WDR27: variants seen among roughly 807,000 people sequenced by gnomAD.
WDR27 encodes the protein WD repeat-containing protein 27.
A neutral mutation model predicts 114.4 loss-of-function variants in WDR27; 100 were observed. That is an observed-to-expected ratio of 0.87 (90% confidence interval 0.74 to 1.03). The LOEUF (loss-of-function observed/expected upper bound fraction) is 1.03. WDR27 is among the 50% of genes least tolerant of loss of function. The pLI is 0.00. For missense variants in WDR27, 1,129 were observed against 1,092.9 expected (o/e 1.03, Z -0.47); for synonymous variants, 449 against 423.1 (o/e 1.06, Z -0.75).
the WDR27 span, among the ~76,000 whole-genome samples, chr6:169,429,069 C>T: frequency 6.6e-6 from 1 of 152,156 alleles, no homozygotes; most frequent in Non-Finnish European, 1.5e-5. Flanking sequence ...GGATCTTGCC[C>T]TCAGCAGCCC....
the WDR27 span, among the ~76,000 whole-genome samples, chr6:169,445,775 A>C: frequency 6.6e-6 from 1 of 152,188 alleles, no homozygotes; most frequent in Non-Finnish European, 1.5e-5. Context: ...CTGGCAGCAC[A>C]TCCCTGCCTG....
At chr6:169,432,001 A>C in the WDR27 span, among the ~76,000 whole-genome samples, 2 of 152,054 alleles carry the variant, frequency 1.3e-5, no homozygotes, top group Non-Finnish European at 2.9e-5. Flanking sequence ...CACTTCCTAC[A>C]CGTCCTCTTT....
chr6:169,551,840 G>A (rs568461638), intron 25 of WDR27, among the ~76,000 whole-genome samples: 86 of 152,052 alleles, frequency 5.7e-4, no homozygotes, highest in African/African-American at 1.6e-3. Context: ...GGTCGCTTGC[G>A]TCATAACCAC....
At chr6:169,574,774 T>C (rs1801979236) in intron 24 of WDR27, among the ~76,000 whole-genome samples, 1 of 152,126 alleles carries the variant, frequency 6.6e-6, no homozygotes, top group Non-Finnish European at 1.5e-5. Context: ...GAAGCCACTG[T>C]GGAGGGGCCA....
At chr6:169,569,903 A>G (rs1801094037) in intron 25 of WDR27, among the ~76,000 whole-genome samples, 1 of 146,642 alleles carries the variant, frequency 6.8e-6, no homozygotes, top group Non-Finnish European at 1.5e-5. Flanking sequence ...CAAAGATTTC[A>G]CCCTCTCACA....
Position 169,457,634 on chromosome 6 carries a change from G to C in WDR27, c.2646C>G (p.Ser882Arg). 1 of 1,551,130 alleles carries C rather than the reference G, an allele frequency of 6.4e-7. No individual in the cohort carries two copies. The highest frequency in any genetic ancestry group is 1.2e-5 in the South Asian group (1 of 83,868). ...CLSLPSSWDYSLPQLPWMVNS... is the reference protein window; with the variant it reads ...CLSLPSSWDYRLPQLPWMVNS... ...TTACCATCCAAGGTAGCTGTGGCAA[G>C]CTGTAATTGAAAATAAAATACCATG... The change falls in exon 26 of 26, where the codon AGC (serine) becomes AGG (arginine). Residue 882 changes from serine to arginine, a missense_variant and splice_region_variant. Ser to Arg is a moderately radical substitution (Grantham distance 110). Transcript: ENST00000448612.
chr6:169,520,148 C>T (rs73789994), intron 25 of WDR27, among the ~76,000 whole-genome samples: 2,467 of 152,254 alleles, frequency 0.016, 63 homozygotes, highest in African/African-American at 0.057. Flanking sequence ...GATACCAAAT[C>T]GGAGTGGCTG....
At chr6:169,536,127 A>C (rs1245739564) in intron 25 of WDR27, among the ~76,000 whole-genome samples, 1 of 152,248 alleles carries the variant, frequency 6.6e-6, no homozygotes, top group Non-Finnish European at 1.5e-5. Flanking sequence ...AAAAGGAATA[A>C]AAATGAAGTA....
intron 14 of WDR27, among the ~76,000 whole-genome samples, chr6:169,651,184 G>GGGGA (rs1822400154): frequency 1.1e-5 from 1 of 92,540 alleles, no homozygotes; most frequent in East Asian, 6.2e-4. Context: ...AGTGCGGGGC[G>GGGGA]GGGGGGGGGA....
intron 14 of WDR27, among the ~76,000 whole-genome samples, chr6:169,650,055 T>C: frequency 7.8e-6 from 1 of 128,880 alleles, no homozygotes; most frequent in East Asian, 2.7e-4. Context: ...TCCCCATCCC[T>C]CCATCACCTC....
chr6:169,564,089 A>G (rs1800074121), intron 25 of WDR27, among the ~76,000 whole-genome samples: 1 of 152,238 alleles, frequency 6.6e-6, no homozygotes, highest in African/African-American at 2.4e-5. Flanking sequence ...TAGGGAAGCA[A>G]ACAATGTAGC....
intron 20 of WDR27, 72 bp downstream of exon 20, chr6:169,634,355 CT>C (rs1398948660): frequency 8.8e-7 from 1 of 1,139,444 alleles, no homozygotes; most frequent in Non-Finnish European, 1.3e-6. Context: ...TCACGAGATG[CT>C]CAGCACATGC....
intron 25 of WDR27, among the ~76,000 whole-genome samples, chr6:169,550,346 C>T (rs1022807393): frequency 3.9e-5 from 6 of 152,196 alleles, no homozygotes; most frequent in African/African-American, 1.4e-4. Context: ...GTCTAGGCTA[C>T]TGGGCCCACA....
At chr6:169,560,739 A>T (rs1477840923) in intron 25 of WDR27, among the ~76,000 whole-genome samples, 1 of 152,216 alleles carries the variant, frequency 6.6e-6, no homozygotes, top group African/African-American at 2.4e-5. Context: ...TATTTATAAA[A>T]CATAAACTAT....
Position 169,670,554 on chromosome 6 carries a change from G to T in WDR27, c.456+15C>A. The T allele has an allele frequency of 2.5e-6, 4 of 1,613,908 alleles. No homozygotes were observed. The highest frequency in any genetic ancestry group is 3.4e-6 in the Non-Finnish European group (4 of 1,179,846). On this transcript the variant is annotated intron_variant, in intron 4 of 25. Transcript: ENST00000448612. ...CTAAACCCTTCCGTGAAATCCACGT[G>T]AATTTCAATCTTACCTCAATATCCA...
intron 20 of WDR27, among the ~76,000 whole-genome samples, chr6:169,633,276 A>G (rs1163347754): frequency 6.6e-6 from 1 of 152,190 alleles, no homozygotes; most frequent in Non-Finnish European, 1.5e-5. Flanking sequence ...GAGCAGGTGG[A>G]CGGGGGTGGG....
At chr6:169,438,304 C>A in the WDR27 span, among the ~76,000 whole-genome samples, 2 of 145,386 alleles carry the variant, frequency 1.4e-5, no homozygotes, top group African/African-American at 5.1e-5. Context: ...GTGGCGCGAT[C>A]TCAGCTCACT....
At chr6:169,635,322 T>C (rs1179249654) in intron 19 of WDR27, among the ~76,000 whole-genome samples, 6 of 152,034 alleles carry the variant, frequency 3.9e-5, no homozygotes, top group African/African-American at 1.4e-4. Flanking sequence ...GAGGCGGAGG[T>C]TGCGGTGAGC....
At position 169,688,902 on chromosome 6, in the gene WDR27, T is replaced by A. The variant is rs778024073; in HGVS notation, c.104A>T (p.Gln35Leu). The change falls in exon 2 of 26, where the codon CAG becomes CTG. Residue 35 changes from glutamine to leucine, a missense_variant. Physicochemically the swap from Gln to Leu is moderately radical, Grantham distance 113 (BLOSUM62 -2). Transcript: ENST00000448612. ...VESKESVSHV[Q>L]LACSMQDCAF... ...ACAGTCCTGCATGCTGCAAGCAAGC[T>A]GAACATGAGACACAGACTCCTTGGA... is the stretch of plus-strand genomic sequence containing the variant. 1.2e-4 allele frequency: 196 copies of A among 1,613,852 alleles called. No homozygotes were observed. The Middle Eastern group carries it at 1.5e-3, about 12-fold the overall frequency.
Sources: allele counts gnomAD v4.1 joint callset (sites outside exome capture counted in the v4.1 genomes callset), GRCh38; gene constraint gnomAD v4.1.1; transcripts MANE v1.5; gene names NCBI Gene and HGNC (gene_info 2026-07-23, HGNC 2026-07-21).